The following ASAH2 variants were observed in gnomAD, a reference collection of about 807,000 sequenced individuals.
The protein encoded by ASAH2 is neutral ceramidase.
In ASAH2, 58 loss-of-function variants were observed where a neutral mutation model predicts 82.9. The ratio of observed to expected loss-of-function variants is 0.70; its 90% CI spans 0.57 to 0.87. The LOEUF (loss-of-function observed/expected upper bound fraction) is 0.87. ASAH2 is among the 40% of genes least tolerant of loss of function. The probability of loss-of-function intolerance (pLI) is 0.00; values close to 1 mark genes in which losing one functional copy is unlikely to be tolerated. For missense variants in ASAH2, 779 were observed against 834.0 expected (o/e 0.93, Z 0.81); for synonymous variants, 276 against 289.7 (o/e 0.95, Z 0.48).
At chr10:50,212,737 T>C (rs1342934208) in intron 10 of ASAH2, among the ~76,000 whole-genome samples, 1 of 152,142 alleles carries the variant, frequency 6.6e-6, no homozygotes, top group Non-Finnish European at 1.5e-5. Flanking sequence ...TAGAATGTTT[T>C]CCTGATTACT....
chr10:50,243,148 C>T, intron 4 of ASAH2, 54 bp downstream of exon 4: 1 of 1,593,976 alleles, frequency 6.3e-7, no homozygotes, highest in Non-Finnish European at 8.6e-7. Context: ...CATTCACCCA[C>T]TTTTCCTTAA....
rs1396722368 is a variant in ASAH2 at position 50,221,649 on chromosome 10, G to GTA, written c.894-3020_894-3019insTA. Among the ~76,000 whole-genome samples, 427 of 150,006 alleles carry GTA rather than the reference G, an allele frequency of 2.8e-3. 4 individuals are homozygous for GTA. Among genetic ancestry groups the GTA allele is most frequent in the African/African-American group, 0.01 (416 of 39,892 alleles). ...AGGTTGTATGTGTGTGTGTGTGTGT[G>GTA]TGTGTGTGTGTATAGATAGATAGAT... On this transcript the variant is annotated intron_variant, in intron 7 of 20. Transcript: ENST00000682911.
At chr10:50,204,020 C>T (rs1845228527) in intron 14 of ASAH2, among the ~76,000 whole-genome samples, 1 of 151,826 alleles carries the variant, frequency 6.6e-6, no homozygotes, top group South Asian at 2.1e-4. Flanking sequence ...AAATACATTA[C>T]TGTATAAGTG....
At chr10:50,203,567 T>A in intron 15 of ASAH2, 73 bp downstream of exon 15, 1 of 538,626 alleles carries the variant, frequency 1.9e-6, no homozygotes, top group Admixed American at 2.9e-5. Context: ...AGATATAGGA[T>A]CATAGGGATA....
intron 2 of ASAH2, 53 bp downstream of exon 2, chr10:50,248,431 A>C: frequency 6.3e-7 from 1 of 1,598,038 alleles, no homozygotes; most frequent in Non-Finnish European, 8.5e-7. Context: ...ACAGTAATCA[A>C]GAAGTTTCAT....
chr10:50,243,288 A>G lies in ASAH2; in HGVS notation c.424T>C (p.Phe142Leu). The change falls in exon 4 of 21, where the codon TTC becomes CTC. Residue 142 changes from phenylalanine (F) to leucine (L), a missense_variant. Physicochemically the swap from Phe to Leu is conservative, Grantham distance 22. Around this residue, in one of 3 missense-constraint regions of ASAH2, gnomAD observed 759 missense variants for 755.2 expected, o/e 1.00. Transcript: ENST00000682911. ...GACCCATCAGGTTCTGCCATGATGA[A>G]GGCACGACTGTATAGCCTGGTGAGG... ...GILTRLYSRA[F>L]IMAEPDGSNR... 6.2e-7 allele frequency: 1 copy of G among 1,614,150 alleles called. No homozygotes were observed. Among genetic ancestry groups the G allele is most frequent in the East Asian group, 2.2e-5 (1 of 44,888 alleles).
chr10:50,210,819 T>C lies in ASAH2; in HGVS notation c.1414+4A>G, dbSNP rs772561919. The C allele has an allele frequency of 6.2e-7, 1 of 1,607,726 alleles. No individual in the cohort carries two copies. Among genetic ancestry groups the C allele is most frequent in the South Asian group, 1.1e-5 (1 of 90,932 alleles). On this transcript the variant is annotated splice_donor_region_variant and intron_variant, in intron 12 of 20. Coordinates refer to ENST00000682911, the MANE Select transcript of ASAH2 (RefSeq NM_019893.4). ...ACCATAGATTTTACTGGACTTCACC[T>C]TACCCTGTGTAAAATTGAGGCCTCC...
chr10:50,213,039 T>C lies in ASAH2; in HGVS notation c.1160A>G (p.Lys387Arg). Reference sequence around the variant, plus strand: ...GTCAAACATATCCTGTCCAGGTCCCTTAGCAATGCACATGCTAGGCTGGAA... The same window carrying C: ...GTCAAACATATCCTGTCCAGGTCCCCTAGCAATGCACATGCTAGGCTGGAA... ...PIGGPSMCIA[K>R]GPGQDMFDST... Residue 387 changes from lysine (K) to arginine (R), a missense_variant, in exon 10 of 21, where the codon AAG becomes AGG. Physicochemically the swap from Lys to Arg is conservative, Grantham distance 26. Coordinates refer to ENST00000682911, the MANE Select transcript of ASAH2 (RefSeq NM_019893.4). 4 of 1,613,670 alleles carry C rather than the reference T, an allele frequency of 2.5e-6. No homozygotes were observed. Among genetic ancestry groups the C allele is most frequent in the Non-Finnish European group, 3.4e-6 (4 of 1,179,626 alleles).
chr10:50,236,160 A>C, intron 4 of ASAH2, 96 bp from the exon 5 acceptor site: 1 of 1,053,772 alleles, frequency 9.5e-7, no homozygotes, highest in Non-Finnish European at 1.5e-6. Context: ...ATCCATACCA[A>C]TAACATCTGT....
intron 12 of ASAH2, among the ~76,000 whole-genome samples, chr10:50,206,670 T>C (rs1845308208): frequency 6.6e-6 from 1 of 151,868 alleles, no homozygotes. Flanking sequence ...ATCTATACTC[T>C]ATTCAAAAAA....
intron 2 of ASAH2, among the ~76,000 whole-genome samples, chr10:50,247,546 TG>T (rs1846496619): frequency 6.6e-6 from 1 of 152,102 alleles, no homozygotes; most frequent in Non-Finnish European, 1.5e-5. Flanking sequence ...AGAGGATCTC[TG>T]ATCCTCTGTG....
intron 3 of ASAH2, 109 bp downstream of exon 3, chr10:50,245,113 G>A: frequency 9.9e-7 from 1 of 1,006,880 alleles, no homozygotes; most frequent in Non-Finnish European, 1.5e-6. Flanking sequence ...CAATTAAAAA[G>A]CTAAAAGAAG....
Position 50,203,673 on chromosome 10 carries a change from C to A in ASAH2, c.1632G>T (p.Met544Ile). The stretch of plus-strand genomic sequence containing the variant: ...CTGCCTCTCGAAGTCTTCGTCCAGA[C>A]ATGGTCCTGAGTCAAGAAAAAAATT... ...ITAIPGEFTT[M>I]SGRRLREAVQ... Residue 544 changes from methionine (M) to isoleucine (I), a missense_variant, in exon 15 of 21, where the codon ATG (methionine) becomes ATT (isoleucine). Transcript: ENST00000682911. 1.2e-6 allele frequency: 2 copies of A among 1,612,506 alleles called. No homozygotes were observed. Among genetic ancestry groups the A allele is most frequent in the Non-Finnish European group, 1.7e-6 (2 of 1,178,832 alleles).
intron 10 of ASAH2, among the ~76,000 whole-genome samples, chr10:50,212,376 A>G (rs1845479874): frequency 1.3e-5 from 2 of 152,142 alleles, no homozygotes; most frequent in South Asian, 4.1e-4. Context: ...GAGGGGGAGG[A>G]AATCAGAGTA....
chr10:50,241,080 G>A (rs73320289), intron 4 of ASAH2, among the ~76,000 whole-genome samples: 10,369 of 152,260 alleles, frequency 0.068, 886 homozygotes, highest in African/African-American at 0.2. Flanking sequence ...AGGATAGGAA[G>A]AGTGAGGAAC....
At chr10:50,240,504 G>A (rs772378196) in intron 4 of ASAH2, 2 of 702,152 alleles carry the variant, frequency 2.8e-6, no homozygotes, top group South Asian at 1.5e-5. Flanking sequence ...AAACAAAATG[G>A]TGTTTACATC....
intron 7 of ASAH2, among the ~76,000 whole-genome samples, chr10:50,224,620 CA>C (rs1230058686): frequency 6.6e-6 from 1 of 152,160 alleles, no homozygotes; most frequent in Non-Finnish European, 1.5e-5. Flanking sequence ...TGACTAATAA[CA>C]TGTGTGCAGA....
At chr10:50,228,227 G>A (rs1372390691) in intron 7 of ASAH2, among the ~76,000 whole-genome samples, 3 of 152,126 alleles carry the variant, frequency 2.0e-5, no homozygotes, top group African/African-American at 7.2e-5. Context: ...CAGAATTCAT[G>A]CTAATGATAG....
rs1450902602 is a variant in ASAH2, at chr10:50,187,052, T to C, written c.*263A>G. 4.2e-4 allele frequency: 206 copies of C among 493,322 alleles called. 1 individual carries two copies. The highest frequency in any genetic ancestry group is 2.5e-3 in the South Asian group (112 of 43,974). 30.6% of individuals were successfully genotyped at this position (493,322 alleles called of 1,614,324 possible). ...GCTTTAGGCTGTAGACCACAAGATA[T>C]ATGGCTGCTGGAGCAAGATATATGG... On this transcript the variant is annotated 3_prime_UTR_variant, in exon 21 of 21. Transcript: ENST00000682911.
Sources: gnomAD v4.1 joint callset for allele counts (sites outside exome capture counted in the v4.1 genomes callset) on GRCh38, gnomAD v4.1.1 for gene constraint, gnomAD v4.1.1 regional missense constraint, MANE v1.5 for transcripts, NCBI Gene and HGNC (gene_info 2026-07-23, HGNC 2026-07-21) for gene names.